Variants in NRG1 observed in about 807,000 individuals in gnomAD.
NRG1 encodes the protein pro-neuregulin-1, membrane-bound isoform.
Under a neutral mutation model 63.8 loss-of-function variants are expected in NRG1, and 18 were observed. That is an observed-to-expected ratio of 0.28 (90% confidence interval 0.19 to 0.42). The LOEUF is 0.42. Ranked by LOEUF, NRG1 falls within the 10% of genes least tolerant of loss-of-function variation. The pLI is 1.00. For synonymous variants in NRG1, 302 were observed against 301.3 expected (o/e 1.00, Z -0.02); for missense variants, 762 against 814.7 (o/e 0.94, Z 0.79).
chr8:31,655,730 G>A, intron 1 of NRG1, among the ~76,000 whole-genome samples: 1 of 152,220 alleles, frequency 6.6e-6, no homozygotes, highest in East Asian at 1.9e-4. Flanking sequence ...GTGCATGCAG[G>A]GAGCTGAGGT....
At chr8:31,658,304 T>C (rs992649269) in intron 1 of NRG1, among the ~76,000 whole-genome samples, 1 of 152,218 alleles carries the variant, frequency 6.6e-6, no homozygotes, top group Admixed American at 6.5e-5. Context: ...AGGCATTGGC[T>C]TCTACCTCTC....
chr8:32,675,003 A>C (rs1806682182), intron 5 of NRG1, among the ~76,000 whole-genome samples: 1 of 152,192 alleles, frequency 6.6e-6, no homozygotes, highest in Non-Finnish European at 1.5e-5. Context: ...CACTGCAAAA[A>C]AGTAAGCATG....
At chr8:32,409,779 C>A (rs990513155) in intron 1 of NRG1, among the ~76,000 whole-genome samples, 1 of 152,122 alleles carries the variant, frequency 6.6e-6, no homozygotes, top group Non-Finnish European at 1.5e-5. Flanking sequence ...TCTTCTTGTG[C>A]AAACTGGGTG....
Position 32,763,833 on chromosome 8 carries a change from AT to A in NRG1, c.1346del (p.Met449SerfsTer8), listed in dbSNP as rs1357907299. ...CTCCCCCAAATCGCCCCCTTCGGAA[AT>A]GTCTCCACCCGTGTCCAGCATGACG... On this transcript the variant is annotated frameshift_variant, in exon 12 of 12. Transcript: ENST00000356819. LOFTEE classifies it high-confidence loss of function. The A allele has an allele frequency of 1.2e-6, 2 of 1,612,714 alleles. No homozygotes were observed. The highest frequency in any genetic ancestry group is 1.7e-6 in the Non-Finnish European group (2 of 1,179,450).
intron 1 of NRG1, among the ~76,000 whole-genome samples, chr8:32,122,599 G>C (rs1367830635): frequency 6.6e-6 from 1 of 151,624 alleles, no homozygotes; most frequent in Non-Finnish European, 1.5e-5. Context: ...ATTGTTGTTT[G>C]ATTTGGTTAA....
chr8:32,504,060 TC>T (rs1828232084), intron 1 of NRG1, among the ~76,000 whole-genome samples: 1 of 152,170 alleles, frequency 6.6e-6, no homozygotes, highest in South Asian at 2.1e-4. Flanking sequence ...AATCCAGTGT[TC>T]CTAGAGGAAG....
At chr8:31,872,383 A>C (rs1393172211) in intron 1 of NRG1, among the ~76,000 whole-genome samples, 1 of 152,110 alleles carries the variant, frequency 6.6e-6, no homozygotes, top group Middle Eastern at 3.2e-3. Flanking sequence ...CATTCAATAG[A>C]CTTAGCAGCC....
chr8:31,740,837 G>C (rs191790779), intron 1 of NRG1, among the ~76,000 whole-genome samples: 89 of 152,038 alleles, frequency 5.9e-4, no homozygotes, highest in Non-Finnish European at 1.1e-3. Context: ...TCTGAGATGG[G>C]AAGTGTTTCG....
chr8:31,842,932 T>A lies in NRG1; in HGVS notation c.37+203501T>A, dbSNP rs567237285. On this transcript the variant is annotated intron_variant, in intron 1 of 10. Transcript: ENST00000519301. ...CAGTCCCACCAAACCCTGGATTTCA[T>A]AGGATGTCCCAGACAATGAGAAATG... 3.3e-5 allele frequency among the ~76,000 whole-genome samples: 5 copies of A among 152,272 alleles called. No homozygotes were observed. In the South Asian group the frequency reaches 1.0e-3, roughly 32 times the overall value.
chr8:31,912,132 T>C (rs1832993777), intron 1 of NRG1, among the ~76,000 whole-genome samples: 1 of 152,242 alleles, frequency 6.6e-6, no homozygotes, highest in African/African-American at 2.4e-5. Flanking sequence ...TTATTTTTAT[T>C]AATATTAGCA....
At chr8:31,643,117 C>A (rs2130839777) in intron 1 of NRG1, among the ~76,000 whole-genome samples, 1 of 152,114 alleles carries the variant, frequency 6.6e-6, no homozygotes, top group African/African-American at 2.4e-5. Context: ...AGAGAGAGAA[C>A]TAGCAAGAGG....
intron 1 of NRG1, among the ~76,000 whole-genome samples, chr8:32,300,056 C>A (rs1048962190): frequency 4.6e-5 from 7 of 152,110 alleles, no homozygotes; most frequent in African/African-American, 1.7e-4. Flanking sequence ...TTAGAGACAA[C>A]CTACCACAGG....
chr8:31,877,474 C>CATGT (rs1191647205), intron 1 of NRG1, among the ~76,000 whole-genome samples: 2 of 150,542 alleles, frequency 1.3e-5, no homozygotes, highest in African/African-American at 2.4e-5. Flanking sequence ...TCTCTCTCTC[C>CATGT]ATGTATGTAT....
chr8:32,030,957 G>A (rs542440400), intron 1 of NRG1, among the ~76,000 whole-genome samples: 1 of 152,084 alleles, frequency 6.6e-6, no homozygotes, highest in Non-Finnish European at 1.5e-5. Context: ...ACTTCCCCAG[G>A]TCAACTCATC....
intron 1 of NRG1, among the ~76,000 whole-genome samples, chr8:32,368,784 C>A (rs1808419654): frequency 6.6e-6 from 1 of 152,042 alleles, no homozygotes; most frequent in Admixed American, 6.6e-5. Context: ...CCTCTGCCAC[C>A]TTTGTCAAAA....
At chr8:32,175,445 C>T (rs1249719433) in intron 1 of NRG1, among the ~76,000 whole-genome samples, 4 of 152,278 alleles carry the variant, frequency 2.6e-5, no homozygotes, top group South Asian at 2.1e-4. Context: ...CCTCTCTCAC[C>T]ACTCCTATTC....
intron 1 of NRG1, among the ~76,000 whole-genome samples, chr8:31,970,749 C>A (rs567715035): frequency 6.6e-6 from 1 of 152,158 alleles, no homozygotes; most frequent in East Asian, 1.9e-4. Flanking sequence ...GTTTACATGT[C>A]CTTACCCTCC....
In NRG1 at chr8:32,752,699, G is replaced by A. The variant is rs541940355; in HGVS notation, c.692-1673G>A. ...TTTTAACCTTGTTTTCCCTTCCTCG[G>A]TCTCTCTGTCATTCTGTCAGTCTGT... is the stretch of plus-strand genomic sequence containing the variant. On this transcript the variant is annotated intron_variant, in intron 7 of 11. Transcript: ENST00000356819. Among the ~76,000 whole-genome samples the A allele has an allele frequency of 1.1e-4, 16 of 151,982 alleles. No individual in the cohort carries two copies. In the South Asian group the frequency reaches 3.1e-3, roughly 30 times the overall value.
chr8:31,904,347 C>T (rs1832343781), intron 1 of NRG1, among the ~76,000 whole-genome samples: 1 of 152,092 alleles, frequency 6.6e-6, no homozygotes, highest in African/African-American at 2.4e-5. Flanking sequence ...AGACTTGTAC[C>T]ATCTCATGCC....
Sources: allele counts gnomAD v4.1 joint callset (sites outside exome capture counted in the v4.1 genomes callset), GRCh38; gene constraint gnomAD v4.1.1; transcripts MANE v1.5; gene names NCBI Gene and HGNC (gene_info 2026-07-23, HGNC 2026-07-21).